Variants in COL28A1 observed in about 807,000 individuals in gnomAD.
COL28A1 encodes the protein collagen type XXVIII alpha 1 chain.
COL28A1 carries 161 observed loss-of-function variants against 150.2 expected under a neutral mutation model. The ratio of observed to expected loss-of-function variants is 1.07; its 90% CI spans 0.94 to 1.22. The LOEUF is 1.22. Among genes scored for constraint, COL28A1 ranks in the 50% most tolerant of loss-of-function variants. The pLI is 0.00. For missense variants in COL28A1, 1,617 were observed against 1,388.3 expected (o/e 1.16, Z -2.62); for synonymous variants, 552 against 469.7 (o/e 1.18, Z -2.26).
intron 33 of COL28A1, among the ~76,000 whole-genome samples, chr7:7,367,010 TA>T (rs1780967183): frequency 1.3e-5 from 2 of 152,364 alleles, no homozygotes; most frequent in South Asian, 4.1e-4. Flanking sequence ...AAGTGCTGCA[TA>T]ATGACATTTT....
chr7:7,343,788 G>C, the COL28A1 span, among the ~76,000 whole-genome samples: 1 of 152,068 alleles, frequency 6.6e-6, no homozygotes, highest in African/African-American at 2.4e-5. Context: ...AGAGAGTATA[G>C]TTTGAGGCCA....
Position 7,517,851 on chromosome 7 carries a change from A to G in COL28A1, c.814-14T>C, listed in dbSNP as rs748816579. On this transcript the variant is annotated splice_polypyrimidine_tract_variant and intron_variant, in intron 6 of 34. Coordinates refer to ENST00000399429, the MANE Select transcript of COL28A1 (RefSeq NM_001037763.3). ...TTGAGCGTTGCCCTGTGACAAACAA[A>G]AAACAGTAAAAATTCCACAGCCCTG... 1 of 1,613,588 alleles carries G rather than the reference A, an allele frequency of 6.2e-7. No homozygotes were observed. The highest frequency in any genetic ancestry group is 1.3e-5 in the African/African-American group (1 of 74,892).
At chr7:7,534,585 T>A (rs1782543170) in intron 1 of COL28A1, among the ~76,000 whole-genome samples, 1 of 152,120 alleles carries the variant, frequency 6.6e-6, no homozygotes, top group African/African-American at 2.4e-5. Flanking sequence ...AGAACTGAAT[T>A]CCATTGAGAA....
intron 26 of COL28A1, among the ~76,000 whole-genome samples, chr7:7,419,486 C>G (rs1008830792): frequency 3.3e-5 from 5 of 152,090 alleles, no homozygotes; most frequent in Non-Finnish European, 7.4e-5. Flanking sequence ...CAGTCTAGAC[C>G]CTTGTACTGA....
chr7:7,506,839 A>G (rs1426734972), intron 10 of COL28A1, among the ~76,000 whole-genome samples: 1 of 152,146 alleles, frequency 6.6e-6, no homozygotes, highest in Non-Finnish European at 1.5e-5. Flanking sequence ...CCAGACTCTT[A>G]ATTTTTTAAC....
intron 27 of COL28A1, among the ~76,000 whole-genome samples, chr7:7,400,975 G>GGGGGGTGTGT (rs1160269291): frequency 6.7e-5 from 8 of 119,128 alleles, no homozygotes; most frequent in Non-Finnish European, 1.2e-4. Context: ...TGGGTATTTG[G>GGGGGGTGTGT]GTGTGTGTGT....
At chr7:7,478,160 C>T (rs995266284) in intron 13 of COL28A1, among the ~76,000 whole-genome samples, 26 of 150,818 alleles carry the variant, frequency 1.7e-4, no homozygotes, top group Admixed American at 8.6e-4. Context: ...TACAGAGTGC[C>T]GACTGGTGCA....
At chr7:7,456,394 T>C (rs1289133202) in intron 15 of COL28A1, among the ~76,000 whole-genome samples, 1 of 152,204 alleles carries the variant, frequency 6.6e-6, no homozygotes, top group African/African-American at 2.4e-5. Context: ...TGAATAGTTG[T>C]TATGACACAA....
chr7:7,408,129 G>C (rs745790094), intron 27 of COL28A1, among the ~76,000 whole-genome samples: 1 of 151,784 alleles, frequency 6.6e-6, no homozygotes, highest in African/African-American at 2.4e-5. Flanking sequence ...CTTTCTTAGA[G>C]CAGGGTAGGC....
At chr7:7,353,196 T>C (rs916714477), downstream of COL28A1, among the ~76,000 whole-genome samples, 33 of 152,226 alleles carry the variant, frequency 2.2e-4, no homozygotes, top group African/African-American at 7.5e-4. Context: ...GTCTAGTTCC[T>C]AAACTGAAGT....
chr7:7,366,704 GT>G lies in COL28A1; in HGVS notation c.3066+4020del, dbSNP rs571348275. Among the ~76,000 whole-genome samples, 51 of 152,298 alleles carry G rather than the reference GT, an allele frequency of 3.3e-4. No homozygotes were observed. The East Asian group carries it at 9.8e-3, about 29-fold the overall frequency. ...AAGAAGAAGAGGAAGGAAGGACAGA[GT>G]TAGGTGTCTTAAGGGAGTGACAGAA... On this transcript the variant is annotated intron_variant, in intron 33 of 34. Transcript: ENST00000399429.
intron 23 of COL28A1, among the ~76,000 whole-genome samples, chr7:7,433,396 GA>G (rs1314805144): frequency 6.6e-6 from 1 of 152,138 alleles, no homozygotes; most frequent in Non-Finnish European, 1.5e-5. Context: ...AGCACTTTGG[GA>G]AGCTGAGGTG....
At chr7:7,449,521 G>C (rs111373177) in intron 18 of COL28A1, among the ~76,000 whole-genome samples, 111 of 150,400 alleles carry the variant, frequency 7.4e-4, no homozygotes, top group African/African-American at 2.6e-3. Flanking sequence ...AGTGATCCTA[G>C]CAGTACAAAA....
At chr7:7,398,732 G>C (rs886749895) in intron 27 of COL28A1, among the ~76,000 whole-genome samples, 1 of 152,158 alleles carries the variant, frequency 6.6e-6, no homozygotes, top group Non-Finnish European at 1.5e-5. Flanking sequence ...CACACTACAA[G>C]TGATAAATAC....
chr7:7,414,862 T>C (rs1045164294), intron 27 of COL28A1, among the ~76,000 whole-genome samples: 2 of 152,218 alleles, frequency 1.3e-5, no homozygotes, highest in Admixed American at 1.3e-4. Flanking sequence ...ACTGCTGTAA[T>C]CTAAATTCAC....
chr7:7,530,458 A>C (rs1583582515), intron 3 of COL28A1, among the ~76,000 whole-genome samples: 1 of 152,368 alleles, frequency 6.6e-6, no homozygotes, highest in South Asian at 2.1e-4. Flanking sequence ...GCTGTAGAAA[A>C]CAGCCATATG....
At chr7:7,528,559 A>G (rs911699359) in intron 3 of COL28A1, among the ~76,000 whole-genome samples, 1 of 152,220 alleles carries the variant, frequency 6.6e-6, no homozygotes, top group African/African-American at 2.4e-5. Context: ...CTATTCTACA[A>G]TAAAAGGGAG....
At chr7:7,401,670 C>T (rs1436772325) in intron 27 of COL28A1, among the ~76,000 whole-genome samples, 1 of 152,096 alleles carries the variant, frequency 6.6e-6, no homozygotes, top group East Asian at 1.9e-4. Flanking sequence ...ACCACCCTGC[C>T]CACACCATCT....
Position 7,531,916 on chromosome 7 carries a change from T to A in COL28A1, c.125-12A>T, listed in dbSNP as rs760979376. 6.5e-7 allele frequency: 1 copy of A among 1,543,206 alleles called. No individual in the cohort carries two copies. Among genetic ancestry groups the A allele is most frequent in the South Asian group, 1.1e-5 (1 of 87,396 alleles). On this transcript the variant is annotated splice_polypyrimidine_tract_variant and intron_variant, in intron 2 of 34. Transcript: ENST00000399429. ...GAAACAAATGGAGCCTGAAACAGAATAAACAGGTTAGGCAAAATAATTATT... is the reference window on the plus strand; with the variant it reads ...GAAACAAATGGAGCCTGAAACAGAAAAAACAGGTTAGGCAAAATAATTATT...
Sources: allele counts gnomAD v4.1 joint callset (sites outside exome capture counted in the v4.1 genomes callset), GRCh38; gene constraint gnomAD v4.1.1; transcripts MANE v1.5; gene names NCBI Gene and HGNC (gene_info 2026-07-23, HGNC 2026-07-21).